The following SOX6 variants were observed in gnomAD, a reference collection of about 807,000 sequenced individuals.
SOX6 encodes the protein transcription factor SOX-6.
In SOX6, 11 loss-of-function variants were observed where a neutral mutation model predicts 97.8. That is an observed-to-expected ratio of 0.11 (90% CI 0.07 to 0.19). SOX6 has a LOEUF of 0.19. SOX6 is among the 10% of genes least tolerant of loss of function. The probability of loss-of-function intolerance (pLI) is 1.00; values close to 1 mark genes in which losing one functional copy is unlikely to be tolerated. For synonymous variants in SOX6, 360 were observed against 371.4 expected (o/e 0.97, Z 0.35); for missense variants, 810 against 1,039.5 (o/e 0.78, Z 3.04).
At chr11:16,096,355 G>A (rs754295955) in intron 8 of SOX6, among the ~76,000 whole-genome samples, 1 of 151,824 alleles carries the variant, frequency 6.6e-6, no homozygotes, top group Non-Finnish European at 1.5e-5. Flanking sequence ...GCTATAGGAA[G>A]AGAAGAAATA....
At chr11:16,473,552 C>CTTT (rs61587370) in intron 1 of SOX6, among the ~76,000 whole-genome samples, 2 of 132,778 alleles carry the variant, frequency 1.5e-5, no homozygotes, top group African/African-American at 5.6e-5. Flanking sequence ...GTGACAATTC[C>CTTT]TTTTTTTTTT....
intron 3 of SOX6, among the ~76,000 whole-genome samples, chr11:16,266,721 G>T (rs1005102791): frequency 8.6e-5 from 13 of 151,504 alleles, no homozygotes; most frequent in Non-Finnish European, 1.0e-4. Flanking sequence ...AAGGTGGACT[G>T]TAAGTTGAAG....
chr11:16,413,707 G>A (rs931751762), intron 1 of SOX6, among the ~76,000 whole-genome samples: 15 of 151,586 alleles, frequency 9.9e-5, no homozygotes, highest in Non-Finnish European at 5.9e-5. Context: ...TTTTAGTGGA[G>A]ACGGGGTTTC....
chr11:16,655,296 C>T (rs1462484405), intron 3 of SOX6, among the ~76,000 whole-genome samples: 2 of 152,112 alleles, frequency 1.3e-5, no homozygotes, highest in Non-Finnish European at 2.9e-5. Context: ...TTGATCCCAG[C>T]TAAATCAATC....
At chr11:16,705,197 G>T (rs1397384764) in intron 3 of SOX6, among the ~76,000 whole-genome samples, 1 of 151,686 alleles carries the variant, frequency 6.6e-6, no homozygotes. Flanking sequence ...GGTGGAGGTT[G>T]CAATGAGCCA....
At chr11:16,136,633 G>A (rs1374388413) in intron 6 of SOX6, among the ~76,000 whole-genome samples, 1 of 151,884 alleles carries the variant, frequency 6.6e-6, no homozygotes, top group Non-Finnish European at 1.5e-5. Flanking sequence ...ATATAGTCTT[G>A]CCATCTTGCC....
At chr11:16,721,723 C>T (rs376757900) in intron 2 of SOX6, among the ~76,000 whole-genome samples, 1 of 150,670 alleles carries the variant, frequency 6.6e-6, no homozygotes, top group Non-Finnish European at 1.5e-5. Context: ...GAGGCCTCCC[C>T]AGCCATGCCT....
At chr11:16,583,618 TATATATATATATATATATAC>T (rs1848056798) in intron 4 of SOX6, among the ~76,000 whole-genome samples, 4 of 126,012 alleles carry the variant, frequency 3.2e-5, no homozygotes, top group African/African-American at 1.2e-4. Context: ...TATATACATA[TATATATATATATATATATAC>T]ACATACACAC....
At chr11:16,370,552 T>C (rs570478320) in intron 1 of SOX6, among the ~76,000 whole-genome samples, 90 of 152,306 alleles carry the variant, frequency 5.9e-4, no homozygotes, top group African/African-American at 2.1e-3. Context: ...TGTTCATATC[T>C]GTACACTCTC....
chr11:16,520,548 G>A (rs1188999364), intron 4 of SOX6, among the ~76,000 whole-genome samples: 6 of 152,190 alleles, frequency 3.9e-5, no homozygotes, highest in South Asian at 2.1e-4. Context: ...CAGCATTAGC[G>A]ACGTAGAAGA....
intron 9 of SOX6, among the ~76,000 whole-genome samples, chr11:16,069,906 C>A (rs1330710862): frequency 6.6e-6 from 1 of 152,160 alleles, no homozygotes; most frequent in Non-Finnish European, 1.5e-5. Flanking sequence ...CCTGTAATCC[C>A]AGCACTTTGG....
intron 1 of SOX6, among the ~76,000 whole-genome samples, chr11:16,450,959 T>G (rs553015092): frequency 5.9e-5 from 9 of 152,156 alleles, no homozygotes; most frequent in Admixed American, 2.0e-4. Context: ...GGGCACTGGG[T>G]GCAGTGGCTC....
chr11:16,493,478 C>G (rs1860542071), intron 4 of SOX6, among the ~76,000 whole-genome samples: 1 of 151,934 alleles, frequency 6.6e-6, no homozygotes, highest in Non-Finnish European at 1.5e-5. Context: ...TGTTTTTTCC[C>G]TTTGGAGGAG....
chr11:16,728,551 G>A (rs561424043), intron 2 of SOX6, among the ~76,000 whole-genome samples: 2 of 152,204 alleles, frequency 1.3e-5, no homozygotes, highest in East Asian at 1.9e-4. Context: ...CGGAAACGAC[G>A]TCCACACAGA....
At chr11:16,297,323 C>T (rs944470786) in intron 3 of SOX6, among the ~76,000 whole-genome samples, 1 of 152,042 alleles carries the variant, frequency 6.6e-6, no homozygotes, top group Non-Finnish European at 1.5e-5. Flanking sequence ...CATAAATGCA[C>T]CAAATAATAC....
intron 3 of SOX6, among the ~76,000 whole-genome samples, chr11:16,711,419 G>A (rs1266514356): frequency 9.3e-6 from 1 of 107,840 alleles, no homozygotes; most frequent in Admixed American, 1.3e-4. Flanking sequence ...AGCTACTGGG[G>A]GGTGGAGATG....
At chr11:16,611,281 TA>T (rs1848395014) in intron 4 of SOX6, among the ~76,000 whole-genome samples, 1 of 152,182 alleles carries the variant, frequency 6.6e-6, no homozygotes, top group Non-Finnish European at 1.5e-5. Context: ...TAACGGCTAT[TA>T]AAACCTCGAA....
chr11:16,480,986 GTCTTT>G (rs1860335246), upstream of SOX6, among the ~76,000 whole-genome samples: 1 of 151,980 alleles, frequency 6.6e-6, no homozygotes, highest in African/African-American at 2.4e-5. Context: ...TCGATGCCTG[GTCTTT>G]TATATATCAG....
intron 3 of SOX6, among the ~76,000 whole-genome samples, chr11:16,280,676 G>A (rs1854531555): frequency 6.6e-6 from 1 of 152,020 alleles, no homozygotes; most frequent in Non-Finnish European, 1.5e-5. Flanking sequence ...TAGACCATGA[G>A]CTACTTTCTC....
Sources: allele counts gnomAD v4.1 joint callset (sites outside exome capture counted in the v4.1 genomes callset), GRCh38; gene constraint gnomAD v4.1.1; transcripts MANE v1.5; gene names NCBI Gene and HGNC (gene_info 2026-07-23, HGNC 2026-07-21).